The following ULK4 variants were observed in gnomAD, a reference collection of about 807,000 sequenced individuals.
The protein encoded by ULK4 is unc-51 like kinase 4.
In ULK4, 133 loss-of-function variants were observed where a neutral mutation model predicts 160.6. That is an observed-to-expected ratio of 0.83 (90% CI 0.72 to 0.96). ULK4 has a LOEUF of 0.96. ULK4 is among the 40% of genes least tolerant of loss of function. ULK4 has a pLI of 0.00. For missense variants in ULK4, 1,580 were observed against 1,499.5 expected (o/e 1.05, Z -0.89); for synonymous variants, 534 against 539.8 (o/e 0.99, Z 0.15).
chr3:41,568,279 G>A (rs1296226826), intron 31 of ULK4, among the ~76,000 whole-genome samples: 1 of 152,224 alleles, frequency 6.6e-6, no homozygotes, highest in Non-Finnish European at 1.5e-5. Context: ...GGATAAGGTG[G>A]CTTGGGAGTG....
At chr3:41,427,878 A>G (rs1470252189) in intron 34 of ULK4, among the ~76,000 whole-genome samples, 1 of 152,098 alleles carries the variant, frequency 6.6e-6, no homozygotes, top group Non-Finnish European at 1.5e-5. Flanking sequence ...GGATGCCCTC[A>G]CTCACCACTC....
chr3:41,757,078 AT>A (rs1035935922), intron 21 of ULK4, among the ~76,000 whole-genome samples: 4 of 152,160 alleles, frequency 2.6e-5, no homozygotes, highest in South Asian at 2.1e-4. Context: ...TTTGCAGCAC[AT>A]TTTTTTAATA....
intron 32 of ULK4, among the ~76,000 whole-genome samples, chr3:41,500,153 C>T (rs2085143447): frequency 1.3e-5 from 2 of 151,594 alleles, no homozygotes; most frequent in Admixed American, 6.6e-5. Flanking sequence ...ATCTTCCCAA[C>T]TGTATTAATG....
chr3:41,932,313 A>G (rs560289820), intron 4 of ULK4, among the ~76,000 whole-genome samples: 12 of 152,334 alleles, frequency 7.9e-5, no homozygotes, highest in African/African-American at 2.6e-4. Context: ...GCCCTTGCCA[A>G]CTCTCAGTGT....
chr3:41,557,105 A>C (rs2087327504), intron 32 of ULK4, among the ~76,000 whole-genome samples: 1 of 152,208 alleles, frequency 6.6e-6, no homozygotes, highest in Admixed American at 6.5e-5. Flanking sequence ...TCATTATATA[A>C]ATAGATTCAA....
intron 33 of ULK4, 79 bp from the exon 34 acceptor site, chr3:41,455,674 G>C (rs9841301): frequency 6.1e-6 from 8 of 1,312,756 alleles, no homozygotes; most frequent in Non-Finnish European, 8.7e-6. Flanking sequence ...CCACTCCATC[G>C]GGCAGACACA....
At chr3:41,598,406 C>A (rs570531851) in intron 31 of ULK4, among the ~76,000 whole-genome samples, 1 of 152,212 alleles carries the variant, frequency 6.6e-6, no homozygotes, top group African/African-American at 2.4e-5. Context: ...GGAGACCAGA[C>A]AGATAGAGAA....
Position 41,844,636 on chromosome 3 carries a change from GCTC to G in ULK4, c.1657-8668_1657-8666del, listed in dbSNP as rs569482076. On this transcript the variant is annotated intron_variant, in intron 17 of 36. Coordinates refer to ENST00000301831, the MANE Select transcript of ULK4 (RefSeq NM_017886.4). Reference sequence around the variant, plus strand: ...CCACAGTGCAGCAGCAGGCTGAAGGGCTCCTCAAGTGCCGCCAAAGTGGGAGCC... The same window carrying G: ...CCACAGTGCAGCAGCAGGCTGAAGGGCTCAAGTGCCGCCAAAGTGGGAGCC... 1.7e-4 allele frequency among the ~76,000 whole-genome samples: 26 copies of G among 152,308 alleles called. No individual in the cohort carries two copies. In the East Asian group the frequency reaches 3.1e-3, roughly 18 times the overall value.
intron 19 of ULK4, among the ~76,000 whole-genome samples, chr3:41,809,160 C>T (rs539164289): frequency 5.1e-4 from 69 of 135,936 alleles, no homozygotes; most frequent in African/African-American, 1.9e-3. Context: ...AGCAAGACTC[C>T]GTCTCAAAAA....
At chr3:41,289,730 G>C (rs1239809329) in intron 35 of ULK4, among the ~76,000 whole-genome samples, 1 of 152,174 alleles carries the variant, frequency 6.6e-6, no homozygotes, top group Non-Finnish European at 1.5e-5. Flanking sequence ...CACTAGAGGG[G>C]AGAAGCCCAA....
intron 22 of ULK4, among the ~76,000 whole-genome samples, chr3:41,718,313 T>TTA (rs2037340527): frequency 6.6e-6 from 1 of 152,198 alleles, no homozygotes; most frequent in South Asian, 2.1e-4. Context: ...TAACACTGGG[T>TTA]TATACAGATG....
Position 41,463,249 on chromosome 3 carries a change from A to G in ULK4, c.3231T>C (p.Leu1077=). 6.2e-7 allele frequency: 1 copy of G among 1,612,360 alleles called. No individual in the cohort carries two copies. Among genetic ancestry groups the G allele is most frequent in the Non-Finnish European group, 8.5e-7 (1 of 1,178,784 alleles). ...TGAGCAGGTTACAGATGTGACTGAC[A>G]AGTCCTGAGGGTAAAAAAGGAAAAG... The part of the protein sequence containing the change: ...SNMELLYEQG[L]VSHICNLLTE... Residue 1077 remains leucine, a synonymous_variant, in exon 33 of 37, where the codon CTT becomes CTC. Transcript: ENST00000301831.
chr3:41,593,440 G>A (rs2031488047), intron 31 of ULK4, among the ~76,000 whole-genome samples: 1 of 152,052 alleles, frequency 6.6e-6, no homozygotes, highest in Non-Finnish European at 1.5e-5. Context: ...AATGAAATCT[G>A]TAACTGAAAT....
At chr3:41,711,867 C>A (rs2037106592) in intron 25 of ULK4, among the ~76,000 whole-genome samples, 1 of 152,118 alleles carries the variant, frequency 6.6e-6, no homozygotes, top group African/African-American at 2.4e-5. Context: ...AATGGAGGAC[C>A]AAAAGAAGCA....
At chr3:41,854,978 A>G (rs2042300777) in intron 17 of ULK4, 1 of 147,428 alleles carries the variant, frequency 6.8e-6, no homozygotes, top group African/African-American at 2.5e-5. Flanking sequence ...AAAAAAAACT[A>G]TCGGGATCAC....
chr3:41,937,815 T>C (rs544714490), intron 3 of ULK4: 1 of 234,048 alleles, frequency 4.3e-6, no homozygotes, highest in South Asian at 1.7e-4. Flanking sequence ...ATGTTTGTTT[T>C]TATTTATTGG....
intron 4 of ULK4, among the ~76,000 whole-genome samples, chr3:41,933,706 T>A (rs370674297): frequency 1.3e-5 from 2 of 151,464 alleles, no homozygotes; most frequent in African/African-American, 2.4e-5. Flanking sequence ...ATTTTTTTTT[T>A]AAGCCGTATC....
rs533744537 is a variant in ULK4 at position 41,463,392 on chromosome 3, T to C, written c.3227-139A>G. The stretch of plus-strand genomic sequence containing the variant: ...TAAACTATACTCTTATCAGATTCAC[T>C]GAGGAAAGTTGTTTAAAATGCAGGT... On this transcript the variant is annotated intron_variant, in intron 32 of 36. Transcript: ENST00000301831. 2.8e-4 allele frequency: 216 copies of C among 768,106 alleles called. No individual in the cohort carries two copies. The African/African-American group carries it at 3.3e-3, about 12-fold the overall frequency. The allele number at this position is 768,106 out of a possible 1,614,324, so 47.6% of individuals were successfully genotyped here. A position where few individuals can be genotyped will look rare whatever the true frequency, so the allele number is the denominator to read the frequency against.
chr3:41,886,574 ATT>A (rs1280152000), intron 16 of ULK4, among the ~76,000 whole-genome samples: 2 of 145,214 alleles, frequency 1.4e-5, no homozygotes, highest in Admixed American at 6.9e-5. Context: ...TAAAATGTGA[ATT>A]TTTTTTTTTT....
Sources: gnomAD v4.1 joint callset for allele counts (sites outside exome capture counted in the v4.1 genomes callset) on GRCh38, gnomAD v4.1.1 for gene constraint, MANE v1.5 for transcripts, NCBI Gene and HGNC (gene_info 2026-07-23, HGNC 2026-07-21) for gene names.